GABRB1: variants seen among roughly 807,000 people sequenced by gnomAD.
GABRB1 encodes gamma-aminobutyric acid receptor subunit beta-1.
Under a neutral mutation model 51.6 loss-of-function variants are expected in GABRB1, and 17 were observed. The ratio of observed to expected loss-of-function variants is 0.33; its 90% CI spans 0.23 to 0.49. GABRB1 has a LOEUF of 0.49. GABRB1 is among the 20% of genes least tolerant of loss of function. The pLI is 0.99. For synonymous variants in GABRB1, 247 were observed against 218.9 expected (o/e 1.13, Z -1.14); for missense variants, 410 against 600.6 (o/e 0.68, Z 3.32).
chr4:47,097,159 A>G lies in GABRB1; in HGVS notation c.241-64090A>G, dbSNP rs73132691. Among the ~76,000 whole-genome samples the G allele has an allele frequency of 6.6e-3, 1,009 of 152,280 alleles. 13 individuals carry two copies. Among genetic ancestry groups the G allele is most frequent in the African/African-American group, 0.023 (943 of 41,562 alleles). ...ACTCAAGTGCCTTCCTACCTCTCTC[A>G]GAGTAAAACCGAAAATCTTCCTAAT... On this transcript the variant is annotated intron_variant, in intron 3 of 8. Transcript: ENST00000295454.
intron 3 of GABRB1, among the ~76,000 whole-genome samples, chr4:47,139,254 C>T (rs1042112684): frequency 6.6e-6 from 1 of 151,912 alleles, no homozygotes; most frequent in Admixed American, 6.6e-5. Flanking sequence ...ATAAACACAC[C>T]ATCTCTCATA....
chr4:47,062,451 A>ATG (rs1378707796), intron 3 of GABRB1, among the ~76,000 whole-genome samples: 1 of 150,604 alleles, frequency 6.6e-6, no homozygotes, highest in Non-Finnish European at 1.5e-5. Flanking sequence ...TTTCATATAT[A>ATG]TATATATATT....
At chr4:47,155,837 T>A (rs1487663538) in intron 3 of GABRB1, among the ~76,000 whole-genome samples, 1 of 149,976 alleles carries the variant, frequency 6.7e-6, no homozygotes, top group Non-Finnish European at 1.5e-5. Context: ...CAGATAAGCA[T>A]GTTCATACAC....
chr4:47,248,900 T>C (rs1174040586), intron 4 of GABRB1, among the ~76,000 whole-genome samples: 2 of 152,124 alleles, frequency 1.3e-5, no homozygotes, highest in Non-Finnish European at 2.9e-5. Context: ...TCTCTCTTCC[T>C]TTCTTGGTTA....
At chr4:47,288,927 T>C (rs1428349159) in intron 4 of GABRB1, among the ~76,000 whole-genome samples, 1 of 152,230 alleles carries the variant, frequency 6.6e-6, no homozygotes, top group African/African-American at 2.4e-5. Flanking sequence ...TCTAATAGTA[T>C]ATACATCTTA....
At chr4:47,294,202 T>C (rs1379758596) in intron 4 of GABRB1, among the ~76,000 whole-genome samples, 1 of 152,174 alleles carries the variant, frequency 6.6e-6, no homozygotes, top group Non-Finnish European at 1.5e-5. Context: ...GATTTCTGCA[T>C]TTCCATCTGA....
At chr4:47,029,067 A>C (rs958401234), upstream of GABRB1, among the ~76,000 whole-genome samples, 6 of 151,728 alleles carry the variant, frequency 4.0e-5, no homozygotes, top group African/African-American at 1.4e-4. Flanking sequence ...CTGTTGTATT[A>C]CATTGTGTGA....
chr4:47,346,992 C>G (rs894873529), intron 5 of GABRB1, among the ~76,000 whole-genome samples: 8 of 152,068 alleles, frequency 5.3e-5, no homozygotes, highest in Admixed American at 5.2e-4. Context: ...TCAAAAATAA[C>G]GTTTATGGCA....
chr4:46,996,461 C>T (rs1052388383), intron 1 of GABRB1, among the ~76,000 whole-genome samples: 2 of 152,070 alleles, frequency 1.3e-5, no homozygotes, highest in African/African-American at 4.8e-5. Flanking sequence ...CACTTTAAAG[C>T]CCACAGTGCC....
chr4:47,255,337 C>T (rs908610481), intron 4 of GABRB1, among the ~76,000 whole-genome samples: 1 of 152,218 alleles, frequency 6.6e-6, no homozygotes, highest in Non-Finnish European at 1.5e-5. Flanking sequence ...CCTCTTTTCT[C>T]CAAACAAATA....
intron 3 of GABRB1, among the ~76,000 whole-genome samples, chr4:47,121,318 C>G (rs1233414251): frequency 6.6e-6 from 1 of 152,126 alleles, no homozygotes; most frequent in South Asian, 2.1e-4. Flanking sequence ...CTCTCCCCAC[C>G]CCTGAGGCCA....
chr4:47,328,299 A>G (rs1725330417), intron 5 of GABRB1, among the ~76,000 whole-genome samples: 1 of 152,154 alleles, frequency 6.6e-6, no homozygotes, highest in Non-Finnish European at 1.5e-5. Context: ...TTTGCTGTGC[A>G]GAAGCTCTTT....
At chr4:47,123,818 T>A (rs796884021) in intron 3 of GABRB1, among the ~76,000 whole-genome samples, 1 of 92,486 alleles carries the variant, frequency 1.1e-5, no homozygotes, top group South Asian at 2.7e-4. Context: ...ATATTATATA[T>A]TATATTATAT....
chr4:47,136,764 C>T (rs1018316776), intron 3 of GABRB1, among the ~76,000 whole-genome samples: 1 of 151,986 alleles, frequency 6.6e-6, no homozygotes, highest in Non-Finnish European at 1.5e-5. Flanking sequence ...ATTGGATAGC[C>T]ACAGATCCAT....
intron 4 of GABRB1, among the ~76,000 whole-genome samples, chr4:47,282,649 A>G (rs1292435911): frequency 6.6e-6 from 1 of 152,192 alleles, no homozygotes; most frequent in Non-Finnish European, 1.5e-5. Flanking sequence ...TGAGGAAATT[A>G]TTTTCTTTAC....
intron 3 of GABRB1, among the ~76,000 whole-genome samples, chr4:47,114,813 G>T (rs1470603666): frequency 6.6e-6 from 1 of 152,158 alleles, no homozygotes; most frequent in African/African-American, 2.4e-5. Context: ...TAAGTCAAGA[G>T]CACAGGAAGA....
chr4:47,364,837 T>C (rs1183043427), intron 5 of GABRB1, among the ~76,000 whole-genome samples: 1 of 128,374 alleles, frequency 7.8e-6, no homozygotes, highest in African/African-American at 3.1e-5. Flanking sequence ...ATTTGTTTCC[T>C]TCTTAAAATG....
chr4:47,270,465 T>A (rs1401582006), intron 4 of GABRB1, among the ~76,000 whole-genome samples: 1 of 152,230 alleles, frequency 6.6e-6, no homozygotes, highest in Non-Finnish European at 1.5e-5. Context: ...GCTCTGCTTC[T>A]AAAGTGGGAA....
At chr4:47,362,198 A>G (rs1196807583) in intron 5 of GABRB1, among the ~76,000 whole-genome samples, 1 of 152,266 alleles carries the variant, frequency 6.6e-6, no homozygotes, top group East Asian at 1.9e-4. Context: ...GACTGGTCAA[A>G]GAAAATGAGA....
Sources: gnomAD v4.1 joint callset for allele counts (sites outside exome capture counted in the v4.1 genomes callset) on GRCh38, gnomAD v4.1.1 for gene constraint, MANE v1.5 for transcripts, NCBI Gene and HGNC (gene_info 2026-07-23, HGNC 2026-07-21) for gene names.